PRKAR2A: variants seen among roughly 807,000 people sequenced by gnomAD.
PRKAR2A encodes the protein cAMP-dependent protein kinase type II-alpha regulatory subunit.
Under a neutral mutation model 51.9 loss-of-function variants are expected in PRKAR2A, and 29 were observed. The ratio of observed to expected loss-of-function variants is 0.56; its 90% CI spans 0.42 to 0.76. PRKAR2A has a LOEUF of 0.76. Among genes scored for constraint, PRKAR2A ranks in the 30% least tolerant of loss-of-function variants. PRKAR2A has a pLI of 0.00. For missense variants in PRKAR2A, 445 were observed against 512.1 expected (o/e 0.87, Z 1.26); for synonymous variants, 178 against 186.2 (o/e 0.96, Z 0.36).
chr3:48,817,018 TA>T (rs988387170), intron 1 of PRKAR2A, among the ~76,000 whole-genome samples: 4 of 151,606 alleles, frequency 2.6e-5, no homozygotes, highest in African/African-American at 9.7e-5. Context: ...CTTATCTCTT[TA>T]AAAAATAATA....
intron 2 of PRKAR2A, 129 bp downstream of exon 2, chr3:48,807,520 T>C (rs953746905): frequency 2.8e-6 from 2 of 714,166 alleles, no homozygotes; most frequent in Non-Finnish European, 4.7e-6. Flanking sequence ...AAAGAAACCA[T>C]AGGTAATTTT....
chr3:48,772,939 G>A lies in PRKAR2A; in HGVS notation c.696+16C>T, dbSNP rs1267066451. 21 of 1,606,474 alleles carry A rather than the reference G, an allele frequency of 1.3e-5. No individual in the cohort carries two copies. The Admixed American group carries it at 1.7e-4, about 13-fold the overall frequency. Reference sequence around the variant, plus strand: ...TAATACTGTGCCTTGCAAGGGGAACGATTTCTCTCACTCACCAGTCCCCAA... The same window carrying A: ...TAATACTGTGCCTTGCAAGGGGAACAATTTCTCTCACTCACCAGTCCCCAA... On this transcript the variant is annotated intron_variant, in intron 6 of 10. Coordinates refer to ENST00000265563, the MANE Select transcript of PRKAR2A (RefSeq NM_004157.4).
In PRKAR2A at chr3:48,751,544, GT is replaced by G; in HGVS notation, c.*40del. 1 of 1,603,462 alleles carries G rather than the reference GT, an allele frequency of 6.2e-7. No homozygotes were observed. On this transcript the variant is annotated 3_prime_UTR_variant, in exon 11 of 11. Transcript: ENST00000265563. ...TATGTGTTCTGTGGCTGACCAGAAGGTTTTGGTGTCACACTAAGAAGGCTCT... is the reference window on the plus strand; with the variant it reads ...TATGTGTTCTGTGGCTGACCAGAAGGTTTGGTGTCACACTAAGAAGGCTCT...
chr3:48,829,580 ATGTGTGTATATATACACACACATAAATG>A (rs2083134267), intron 1 of PRKAR2A, among the ~76,000 whole-genome samples: 2 of 34,802 alleles, frequency 5.7e-5, no homozygotes, highest in Non-Finnish European at 8.7e-5. Flanking sequence ...ATAAATATAT[ATGTGTGTATATATACACACACATAAATG>A]TGTGTGTGTA....
chr3:48,834,969 C>CTTT (rs765924891), intron 1 of PRKAR2A, among the ~76,000 whole-genome samples: 7 of 131,980 alleles, frequency 5.3e-5, no homozygotes, highest in African/African-American at 8.4e-5. Flanking sequence ...AGGAGGATCA[C>CTTT]TTTTTTTTTT....
In PRKAR2A at chr3:48,756,392, A is replaced by C; in HGVS notation, c.926T>G (p.Leu309Trp). 1.2e-6 allele frequency: 2 copies of C among 1,613,834 alleles called. No individual in the cohort carries two copies. Among genetic ancestry groups the C allele is most frequent in the South Asian group, 2.2e-5 (2 of 91,086 alleles). The change falls in exon 9 of 11, where the codon TTG becomes TGG. Residue 309 changes from leucine to tryptophan, a missense_variant. Leu to Trp is a moderately conservative substitution (Grantham distance 61, BLOSUM62 -2). Coordinates refer to ENST00000265563, the MANE Select transcript of PRKAR2A (RefSeq NM_004157.4). ...YIIESGEVSI[L>W]IRSRTKSNKD... ...TGATAAACTCACCCTGCTTCTAATC[A>C]AGATGCTCACTTCGCCAGACTCTAT...
chr3:48,770,404 A>G (rs1037753306), intron 6 of PRKAR2A, among the ~76,000 whole-genome samples: 1 of 152,164 alleles, frequency 6.6e-6, no homozygotes, highest in Non-Finnish European at 1.5e-5. Context: ...GCAGCTGCCC[A>G]TTATAAAAGC....
At chr3:48,761,683 G>A (rs2081864975) in intron 8 of PRKAR2A, among the ~76,000 whole-genome samples, 1 of 152,098 alleles carries the variant, frequency 6.6e-6, no homozygotes, top group Admixed American at 6.6e-5. Flanking sequence ...CATGATCTTG[G>A]CTCACTGCAA....
Position 48,756,450 on chromosome 3 carries a change from A to G in PRKAR2A, c.874-6T>C, listed in dbSNP as rs1181985596. On this transcript the variant is annotated splice_region_variant and splice_polypyrimidine_tract_variant and intron_variant, in intron 8 of 10. Coordinates refer to ENST00000265563, the MANE Select transcript of PRKAR2A (RefSeq NM_004157.4). ...AAGCTATCAGCCTTTTCACCCTGAA[A>G]GAAAAGAGAGGTCAGGTCAGAGCCA... 6.2e-6 allele frequency: 10 copies of G among 1,611,994 alleles called. No individual in the cohort carries two copies. The highest frequency in any genetic ancestry group is 8.5e-6 in the Non-Finnish European group (10 of 1,178,260).
At chr3:48,763,066 C>T (rs970914694) in intron 8 of PRKAR2A, among the ~76,000 whole-genome samples, 57 of 152,098 alleles carry the variant, frequency 3.7e-4, no homozygotes, top group Non-Finnish European at 2.1e-4. Context: ...AAAACTCTTC[C>T]GATTTGTACA....
At chr3:48,746,128 C>T (rs2081558760), downstream of PRKAR2A, among the ~76,000 whole-genome samples, 1 of 152,042 alleles carries the variant, frequency 6.6e-6, no homozygotes, top group South Asian at 2.1e-4. Context: ...GGAACTAAAC[C>T]ATTGGCTCTC....
intron 2 of PRKAR2A, among the ~76,000 whole-genome samples, chr3:48,804,178 A>C (rs2082633988): frequency 6.6e-6 from 1 of 152,162 alleles, no homozygotes; most frequent in African/African-American, 2.4e-5. Context: ...GGGAAAAGTA[A>C]GGCCAGGTGT....
chr3:48,817,743 G>GA (rs1195980941), intron 1 of PRKAR2A, among the ~76,000 whole-genome samples: 1 of 150,506 alleles, frequency 6.6e-6, no homozygotes, highest in Non-Finnish European at 1.5e-5. Flanking sequence ...AAAAGAGAGA[G>GA]AAAAAACACT....
intron 1 of PRKAR2A, among the ~76,000 whole-genome samples, chr3:48,812,646 C>A (rs1019625959): frequency 9.2e-5 from 14 of 152,092 alleles, no homozygotes; most frequent in African/African-American, 3.4e-4. Flanking sequence ...CCACGCCTGG[C>A]TAATTTTTTG....
chr3:48,745,904 C>T (rs1197586478), downstream of PRKAR2A, among the ~76,000 whole-genome samples: 1 of 152,086 alleles, frequency 6.6e-6, no homozygotes, highest in Non-Finnish European at 1.5e-5. Flanking sequence ...TGTGTGTGGG[C>T]CTCATCCAAT....
chr3:48,790,425 T>A (rs1265877703), intron 4 of PRKAR2A, 119 bp downstream of exon 4: 1 of 598,818 alleles, frequency 1.7e-6, no homozygotes, highest in Non-Finnish European at 2.8e-6. Context: ...GTAAGATGAA[T>A]CTAAGGTTTT....
At chr3:48,786,055 A>G (rs761575525) in intron 4 of PRKAR2A, among the ~76,000 whole-genome samples, 1 of 152,082 alleles carries the variant, frequency 6.6e-6, no homozygotes, top group African/African-American at 2.4e-5. Context: ...CTGAAATCTC[A>G]TATGTTGTGG....
intron 1 of PRKAR2A, among the ~76,000 whole-genome samples, chr3:48,839,785 A>G (rs1010138728): frequency 7.2e-5 from 11 of 152,132 alleles, no homozygotes; most frequent in African/African-American, 2.2e-4. Context: ...GTTGAAACAT[A>G]TCCTATTTCT....
chr3:48,831,334 A>AACTCTCT (rs1207682404), intron 1 of PRKAR2A, among the ~76,000 whole-genome samples: 1 of 151,784 alleles, frequency 6.6e-6, no homozygotes, highest in African/African-American at 2.4e-5. Context: ...ACTGAACAAT[A>AACTCTCT]ACTCTCTAGC....
Sources: allele counts gnomAD v4.1 joint callset (sites outside exome capture counted in the v4.1 genomes callset), GRCh38; gene constraint gnomAD v4.1.1; transcripts MANE v1.5; gene names NCBI Gene and HGNC (gene_info 2026-07-23, HGNC 2026-07-21).